NRXN3: variants seen among roughly 807,000 people sequenced by gnomAD.
The protein encoded by NRXN3 is neurexin III.
A neutral mutation model predicts 137.6 loss-of-function variants in NRXN3; 32 were observed. The observed-to-expected ratio is 0.23, with a 90% confidence interval of 0.18 to 0.31. The LOEUF (loss-of-function observed/expected upper bound fraction) is 0.31. Among genes scored for constraint, NRXN3 ranks in the 10% least tolerant of loss-of-function variants. The probability of loss-of-function intolerance (pLI) is 1.00; values close to 1 mark genes in which losing one functional copy is unlikely to be tolerated. For missense variants in NRXN3, 1,574 were observed against 2,062.5 expected (o/e 0.76, Z 4.59); for synonymous variants, 798 against 784.5 (o/e 1.02, Z -0.29).
At chr14:78,642,811 C>T (rs181440772) in intron 4 of NRXN3, among the ~76,000 whole-genome samples, 157 of 152,330 alleles carry the variant, frequency 1.0e-3, no homozygotes, top group Admixed American at 3.5e-3. Flanking sequence ...GTGGATAGAA[C>T]TACTTCAAAC....
intron 15 of NRXN3, among the ~76,000 whole-genome samples, chr14:79,234,320 AT>A (rs1445196420): frequency 2.6e-5 from 3 of 113,604 alleles, no homozygotes; most frequent in African/African-American, 1.1e-4. Context: ...ATATATATAT[AT>A]ATATATATAT....
chr14:79,292,372 A>C (rs2083345797), intron 15 of NRXN3, among the ~76,000 whole-genome samples: 2 of 152,150 alleles, frequency 1.3e-5, no homozygotes, highest in South Asian at 4.1e-4. Flanking sequence ...AATTCACTCT[A>C]AGAATCCGTT....
At chr14:79,567,768 G>T (rs148991979) in intron 16 of NRXN3, among the ~76,000 whole-genome samples, 74 of 152,162 alleles carry the variant, frequency 4.9e-4, no homozygotes, top group African/African-American at 1.6e-3. Context: ...TTTTAACTGC[G>T]TGGGCTGGAC....
intron 15 of NRXN3, among the ~76,000 whole-genome samples, chr14:79,035,578 C>G (rs968426656): frequency 3.3e-5 from 5 of 152,010 alleles, no homozygotes; most frequent in African/African-American, 1.2e-4. Context: ...GGGTTTAGAT[C>G]CATAACTGTA....
At position 79,284,585 on chromosome 14, in the gene NRXN3, C is replaced by T. The variant is rs766985330; in HGVS notation, c.3263-182636C>T. ...GAAAGCTCAGTTTTAAAAGGGAACA[C>T]ACCACGCTATATTTGCAGGAAGAAC... is the stretch of plus-strand genomic sequence containing the variant. On this transcript the variant is annotated intron_variant, in intron 15 of 20. Coordinates refer to ENST00000335750, the MANE Select transcript of NRXN3 (RefSeq NM_001330195.2). Among the ~76,000 whole-genome samples, 5 of 151,804 alleles carry T rather than the reference C, an allele frequency of 3.3e-5. 1 individual carries two copies. Among genetic ancestry groups the T allele is most frequent in the Non-Finnish European group, 2.9e-5 (2 of 67,936 alleles).
intron 15 of NRXN3, among the ~76,000 whole-genome samples, chr14:79,031,649 A>G (rs1385563874): frequency 6.6e-6 from 1 of 152,146 alleles, no homozygotes; most frequent in Non-Finnish European, 1.5e-5. Context: ...GGTGTAGCCA[A>G]ATTAATCCTT....
At chr14:79,759,228 T>C (rs1000675746) in intron 19 of NRXN3, among the ~76,000 whole-genome samples, 2 of 147,984 alleles carry the variant, frequency 1.4e-5, no homozygotes, top group Non-Finnish European at 2.9e-5. Context: ...GTAGTAAACA[T>C]ACTTTTTAAT....
At chr14:78,793,849 C>T (rs2098813011) in intron 8 of NRXN3, among the ~76,000 whole-genome samples, 1 of 152,186 alleles carries the variant, frequency 6.6e-6, no homozygotes, top group South Asian at 2.1e-4. Flanking sequence ...TCTTACCACT[C>T]AGAAATTCCA....
At chr14:78,965,894 G>A in intron 11 of NRXN3, 131 bp from the exon 12 acceptor site, 1 of 1,021,254 alleles carries the variant, frequency 9.8e-7, no homozygotes, top group Admixed American at 2.4e-5. Flanking sequence ...TGAATATTTG[G>A]TTTTCTTGAA....
intron 10 of NRXN3, among the ~76,000 whole-genome samples, chr14:78,879,136 T>C (rs911400468): frequency 5.9e-5 from 9 of 152,242 alleles, no homozygotes; most frequent in African/African-American, 2.2e-4. Context: ...TGATTCCGTA[T>C]GTTTAGCCAA....
At chr14:79,583,186 T>C (rs780406733) in intron 16 of NRXN3, among the ~76,000 whole-genome samples, 22 of 152,194 alleles carry the variant, frequency 1.4e-4, no homozygotes, top group Admixed American at 2.6e-4. Flanking sequence ...TGTGGATAGA[T>C]GTGGAAAGCG....
chr14:79,058,990 C>CAGTTTCAGGT (rs1311249343), intron 15 of NRXN3, among the ~76,000 whole-genome samples: 1 of 152,124 alleles, frequency 6.6e-6, no homozygotes, highest in South Asian at 2.1e-4. Flanking sequence ...ATAAATTACC[C>CAGTTTCAGGT]AGTTTCAGGT....
intron 16 of NRXN3, among the ~76,000 whole-genome samples, chr14:79,473,124 T>C (rs189723386): frequency 1.3e-5 from 2 of 152,172 alleles, no homozygotes; most frequent in African/African-American, 4.8e-5. Flanking sequence ...TGACTTAAAA[T>C]GTAGATTGTT....
At chr14:79,364,714 T>G (rs2093814431) in intron 15 of NRXN3, among the ~76,000 whole-genome samples, 1 of 152,232 alleles carries the variant, frequency 6.6e-6, no homozygotes, top group South Asian at 2.1e-4. Context: ...ATATCACTTT[T>G]ACATATGTAA....
chr14:78,957,968 G>T (rs754067479), intron 11 of NRXN3, among the ~76,000 whole-genome samples: 1 of 152,114 alleles, frequency 6.6e-6, no homozygotes, highest in Non-Finnish European at 1.5e-5. Flanking sequence ...TTAGAATGTG[G>T]AAAGAAACAT....
intron 16 of NRXN3, among the ~76,000 whole-genome samples, chr14:79,529,012 C>T (rs558850122): frequency 6.6e-6 from 1 of 152,262 alleles, no homozygotes; most frequent in Non-Finnish European, 1.5e-5. Flanking sequence ...TAGCACAGCG[C>T]TTACCAGAGG....
At chr14:78,462,120 T>G (rs2094938258) in intron 4 of NRXN3, among the ~76,000 whole-genome samples, 1 of 152,170 alleles carries the variant, frequency 6.6e-6, no homozygotes, top group African/African-American at 2.4e-5. Flanking sequence ...GTTCAGCACA[T>G]GGTCATTTGC....
intron 14 of NRXN3, among the ~76,000 whole-genome samples, chr14:78,981,518 C>A (rs1369367376): frequency 6.6e-6 from 1 of 152,152 alleles, no homozygotes; most frequent in Non-Finnish European, 1.5e-5. Flanking sequence ...CCTTTTGATT[C>A]AATCAACATT....
intron 4 of NRXN3, among the ~76,000 whole-genome samples, chr14:78,429,702 G>C (rs2093802081): frequency 6.6e-6 from 1 of 152,134 alleles, no homozygotes; most frequent in Non-Finnish European, 1.5e-5. Flanking sequence ...GCTTTAATAG[G>C]GTCTGTGTGG....
Sources: allele counts gnomAD v4.1 joint callset (sites outside exome capture counted in the v4.1 genomes callset), GRCh38; gene constraint gnomAD v4.1.1; transcripts MANE v1.5; gene names NCBI Gene and HGNC (gene_info 2026-07-23, HGNC 2026-07-21).